Variants in FAT1 observed in about 807,000 individuals in gnomAD.
The protein encoded by FAT1 is protocadherin Fat 1.
FAT1 carries 171 observed loss-of-function variants against 329.8 expected under a neutral mutation model. The observed-to-expected ratio is 0.52, with a 90% CI of 0.46 to 0.59. The LOEUF (loss-of-function observed/expected upper bound fraction) is 0.59, where lower values mean the gene tolerates loss of function less well. Among genes scored for constraint, FAT1 ranks in the 20% least tolerant of loss-of-function variants. The probability of loss-of-function intolerance (pLI) is 0.00; values close to 1 mark genes in which losing one functional copy is unlikely to be tolerated. For synonymous variants in FAT1, 2,233 were observed against 2,228.6 expected (o/e 1.00, Z -0.06); for missense variants, 5,672 against 5,774.4 (o/e 0.98, Z 0.57).
chr4:186,636,908 CA>C lies in FAT1; in HGVS notation c.3648del (p.Val1217Ter), dbSNP rs1223911823. On this transcript the variant is annotated frameshift_variant, in exon 5 of 27. Coordinates refer to ENST00000441802, the MANE Select transcript of FAT1 (RefSeq NM_005245.4). LOFTEE classifies it high-confidence loss of function. ...EQQDEHILEV[T>X]VTDNGSPPKS... Reference sequence around the variant, plus strand: ...TTGGGGGGACTACCATTGTCTGTCACAGTAACCTGTTTTTTTAAAGTTAACA... The same window carrying C: ...TTGGGGGGACTACCATTGTCTGTCACGTAACCTGTTTTTTTAAAGTTAACA... 6.3e-7 allele frequency: 1 copy of C among 1,596,506 alleles called. No homozygotes were observed. The highest frequency in any genetic ancestry group is 2.2e-5 in the East Asian group (1 of 44,792).
chr4:186,588,862 A>G lies in FAT1; in HGVS notation c.13497T>C (p.Ser4499=), dbSNP rs1319060105. The change falls in exon 27 of 27, where the codon TCT becomes TCC. Residue 4499 remains serine, a synonymous_variant. Transcript: ENST00000441802. ...CACCAGTGCCTTTTGTTTGAGGTTC[A>G]GACATATCGAGGGGATAAAAATTGG... ...YLPNFYPLDM[S]EPQTKGTGEN... 1.2e-6 allele frequency: 2 copies of G among 1,614,028 alleles called. No homozygotes were observed. Among genetic ancestry groups the G allele is most frequent in the South Asian group, 1.1e-5 (1 of 91,082 alleles).
chr4:186,705,543 C>T (rs1744543146), intron 2 of FAT1, among the ~76,000 whole-genome samples: 1 of 152,134 alleles, frequency 6.6e-6, no homozygotes, highest in African/African-American at 2.4e-5. Flanking sequence ...CATGAAAAGC[C>T]AACACATTCG....
intron 4 of FAT1, among the ~76,000 whole-genome samples, chr4:186,638,125 C>G (rs533443208): frequency 3.3e-5 from 5 of 152,116 alleles, no homozygotes; most frequent in Non-Finnish European, 7.4e-5. Flanking sequence ...TTTAAGACAG[C>G]CAAATCAATG....
chr4:186,702,908 T>G (rs1488270908), intron 2 of FAT1, among the ~76,000 whole-genome samples: 3 of 152,208 alleles, frequency 2.0e-5, no homozygotes, highest in Non-Finnish European at 4.4e-5. Context: ...AGATCTTTAC[T>G]CCGCTAAACA....
At chr4:186,633,236 T>C (rs568166385) in intron 7 of FAT1, among the ~76,000 whole-genome samples, 2 of 152,160 alleles carry the variant, frequency 1.3e-5, no homozygotes, top group Admixed American at 1.3e-4. Flanking sequence ...CAAATAAAGG[T>C]GGTAAAGGAA....
At position 186,708,042 on chromosome 4, in the gene FAT1, C is replaced by T. The variant is rs1744728428; in HGVS notation, c.1786G>A (p.Ala596Thr). The change falls in exon 2 of 27, where the codon GCA (alanine) becomes ACA (threonine). Residue 596 changes from alanine (A) to threonine (T), a missense_variant. Ala to Thr is a moderately conservative substitution (Grantham distance 58, BLOSUM62 0). This residue lies in a region of FAT1 where 3,966 missense variants were observed against 3,915.2 expected (regional missense o/e 1.01). Transcript: ENST00000441802. ...EQITTVSAID[A>T]DELQLVQYQI... The stretch of plus-strand genomic sequence containing the variant: ...TACTGTACCAACTGAAGTTCATCTG[C>T]ATCAATAGCAGAAACAGTGGTTATT... The T allele has an allele frequency of 2.5e-6, 4 of 1,613,972 alleles. No homozygotes were observed.
intron 5 of FAT1, 141 bp from the exon 6 acceptor site, chr4:186,636,376 A>G: frequency 1.1e-6 from 1 of 875,294 alleles, no homozygotes. Flanking sequence ...GGAATGCCTG[A>G]CAGAAGAACA....
At chr4:186,723,924 G>A (rs1175460514), upstream of FAT1, 6 of 151,026 alleles carry the variant, frequency 4.0e-5, no homozygotes, top group Admixed American at 3.9e-4. Context: ...CTCGGGCGCG[G>A]AAACTCGAGC....
intron 3 of FAT1, among the ~76,000 whole-genome samples, chr4:186,654,647 T>C (rs930739205): frequency 2.0e-5 from 3 of 152,168 alleles, no homozygotes; most frequent in African/African-American, 7.2e-5. Flanking sequence ...CAGTGGCTCA[T>C]GCCTATAAAA....
At chr4:186,702,081 C>A (rs1313535409) in intron 2 of FAT1, among the ~76,000 whole-genome samples, 1 of 151,952 alleles carries the variant, frequency 6.6e-6, no homozygotes, top group Non-Finnish European at 1.5e-5. Context: ...CCGACCTCCA[C>A]ACAGGTGACA....
intron 2 of FAT1, among the ~76,000 whole-genome samples, chr4:186,664,394 G>A (rs932770604): frequency 1.3e-5 from 2 of 151,786 alleles, no homozygotes; most frequent in African/African-American, 2.4e-5. Context: ...ACCAGTATCC[G>A]CAGCACCTTA....
chr4:186,650,508 T>C (rs1017482505), intron 3 of FAT1, among the ~76,000 whole-genome samples: 28 of 152,178 alleles, frequency 1.8e-4, no homozygotes, highest in Admixed American at 4.6e-4. Context: ...CCTCAAGAGT[T>C]CACTTCACCA....
chr4:186,597,153 G>A lies in FAT1; in HGVS notation c.12387C>T (p.Asp4129=), dbSNP rs754596378. 8.7e-6 allele frequency: 14 copies of A among 1,609,194 alleles called. No individual in the cohort carries two copies. Among genetic ancestry groups the A allele is most frequent in the African/African-American group, 4.0e-5 (3 of 74,828 alleles). Residue 4129 remains aspartate (D), a synonymous_variant, in exon 25 of 27, where the codon GAC becomes GAT. Coordinates refer to ENST00000441802, the MANE Select transcript of FAT1 (RefSeq NM_005245.4). The stretch of plus-strand genomic sequence containing the variant: ...GCAGGCAAGGGTTTCCAGAGCACTC[G>A]TCGATATCACTCTGACACCTGCCAA... ...FRGERCQSDI[D]ECSGNPCLHG...
chr4:186,607,752 T>A (rs1458113535), intron 16 of FAT1, among the ~76,000 whole-genome samples: 1 of 151,730 alleles, frequency 6.6e-6, no homozygotes, highest in Non-Finnish European at 1.5e-5. Flanking sequence ...GGTGGATGGA[T>A]AACTGGATGG....
intron 7 of FAT1, among the ~76,000 whole-genome samples, chr4:186,630,062 T>C (rs1229512257): frequency 3.9e-5 from 6 of 152,236 alleles, no homozygotes; most frequent in Admixed American, 6.5e-5. Flanking sequence ...AGCAATTCAA[T>C]TGAAACACAC....
At position 186,700,046 on chromosome 4, in the gene FAT1, C is replaced by T. The variant is rs567965732; in HGVS notation, c.3265+6517G>A. ...CCTGGCAAGGGGGACGGTGAGTAAG[C>T]TTACTCTGGCTTTCTTGCCCCGTAC... is the stretch of plus-strand genomic sequence containing the variant. On this transcript the variant is annotated intron_variant, in intron 2 of 26. Coordinates refer to ENST00000441802, the MANE Select transcript of FAT1 (RefSeq NM_005245.4). 2.6e-5 allele frequency among the ~76,000 whole-genome samples: 4 copies of T among 152,250 alleles called. No homozygotes were observed. In the East Asian group the frequency reaches 5.8e-4, roughly 22 times the overall value.
At position 186,604,065 on chromosome 4, in the gene FAT1, A is replaced by C. The variant is rs1738972385; in HGVS notation, c.10549-88T>G. ...AAACATTTGTATTACTCAAGTTCCC[A>C]AAAAATTACTAACTGGTAGATACTC... On this transcript the variant is annotated intron_variant, in intron 18 of 26. Coordinates refer to ENST00000441802, the MANE Select transcript of FAT1 (RefSeq NM_005245.4). 6 of 1,012,318 alleles carry C rather than the reference A, an allele frequency of 5.9e-6. No homozygotes were observed. The South Asian group carries it at 1.0e-4, about 17-fold the overall frequency. The allele number at this position is 1,012,318 out of a possible 1,614,324, so 62.7% of individuals were successfully genotyped here.
At position 186,707,102 on chromosome 4, in the gene FAT1, G is replaced by T. The variant is rs774890495; in HGVS notation, c.2726C>A (p.Ser909Tyr). The change falls in exon 2 of 27, where the codon TCC (serine) becomes TAC (tyrosine). Residue 909 changes from serine (S) to tyrosine (Y), a missense_variant. By Grantham distance (144) the Ser-to-Tyr change is moderately radical (BLOSUM62 -2). This residue lies in a region of FAT1 where 3,966 missense variants were observed against 3,915.2 expected (regional missense o/e 1.01). Coordinates refer to ENST00000441802, the MANE Select transcript of FAT1 (RefSeq NM_005245.4). ...TAGTGATACTTTCACAACGACAGTG[G>T]AGAACAGCTGAGGCTCTTCTCTGGC... ...DQAREEPQLF[S>Y]TVVVKVSLED... The T allele has an allele frequency of 6.2e-7, 1 of 1,614,014 alleles. No homozygotes were observed. The highest frequency in any genetic ancestry group is 1.3e-5 in the African/African-American group (1 of 75,052).
At position 186,621,175 on chromosome 4, in the gene FAT1, T is replaced by G. The variant is rs765669859; in HGVS notation, c.5411A>C (p.Asn1804Thr). 1.2e-6 allele frequency: 2 copies of G among 1,613,984 alleles called. No homozygotes were observed. Among genetic ancestry groups the G allele is most frequent in the Non-Finnish European group, 1.7e-6 (2 of 1,179,898 alleles). ...AACAATGTGATATACAAGCAAAGCATTTGAGTCTTTATCAGCATCAGCTGC... is the reference window on the plus strand; with the variant it reads ...AACAATGTGATATACAAGCAAAGCAGTTGAGTCTTTATCAGCATCAGCTGC... ...IRAADADKDS[N>T]ALLVYHIVEP... The change falls in exon 10 of 27, where the codon AAT becomes ACT. Residue 1804 changes from asparagine (N) to threonine (T), a missense_variant. Coordinates refer to ENST00000441802, the MANE Select transcript of FAT1 (RefSeq NM_005245.4).
Sources: gnomAD v4.1 joint callset for allele counts (sites outside exome capture counted in the v4.1 genomes callset) on GRCh38, gnomAD v4.1.1 for gene constraint, gnomAD v4.1.1 regional missense constraint, MANE v1.5 for transcripts, NCBI Gene and HGNC (gene_info 2026-07-23, HGNC 2026-07-21) for gene names.